The following CRPPA variants were observed in gnomAD, a reference collection of about 807,000 sequenced individuals.
CRPPA encodes D-ribitol-5-phosphate cytidylyltransferase.
Under a neutral mutation model 52.0 loss-of-function variants are expected in CRPPA, and 43 were observed. That is an observed-to-expected ratio of 0.83 (90% CI 0.65 to 1.07). The LOEUF (loss-of-function observed/expected upper bound fraction) is 1.07, where lower values mean the gene tolerates loss of function less well. CRPPA is among the 50% of genes least tolerant of loss of function. The pLI is 0.00. For synonymous variants in CRPPA, 250 were observed against 203.5 expected, an observed-to-expected ratio of 1.23 and a Z score of -1.94; for missense variants, 629 against 551.7, an observed-to-expected ratio of 1.14 and a Z score of -1.40.
chr7:16,245,968 T>C (rs866765299), intron 8 of CRPPA, among the ~76,000 whole-genome samples: 14 of 151,994 alleles, frequency 9.2e-5, no homozygotes, highest in South Asian at 2.1e-4. Flanking sequence ...TGGTGGTTGC[T>C]CAAGGTTGGG....
At chr7:16,325,174 G>A (rs1207082425) in intron 3 of CRPPA, among the ~76,000 whole-genome samples, 1 of 152,180 alleles carries the variant, frequency 6.6e-6, no homozygotes, top group Non-Finnish European at 1.5e-5. Flanking sequence ...TGTTCCATCT[G>A]CAAGAAATTT....
At chr7:16,098,395 C>T (rs1221176906) in intron 9 of CRPPA, among the ~76,000 whole-genome samples, 2 of 152,178 alleles carry the variant, frequency 1.3e-5, no homozygotes, top group Admixed American at 1.3e-4. Context: ...TACATTGTCT[C>T]AGCAAATTCC....
chr7:16,336,559 A>T (rs1583529202), intron 3 of CRPPA, among the ~76,000 whole-genome samples: 1 of 20,052 alleles, frequency 5.0e-5, no homozygotes, highest in Admixed American at 3.6e-4. Context: ...GGAAAAGAGC[A>T]AAAAAAAAAA....
At chr7:16,285,792 G>A (rs1399098335) in intron 5 of CRPPA, among the ~76,000 whole-genome samples, 1 of 151,280 alleles carries the variant, frequency 6.6e-6, no homozygotes. Context: ...GGAAGCTGAG[G>A]TAGGTGGATC....
intron 8 of CRPPA, among the ~76,000 whole-genome samples, chr7:16,219,670 C>T (rs201679720): frequency 0.17 from 15,565 of 93,908 alleles, 1,434 homozygotes; most frequent in Middle Eastern, 0.24. Context: ...AACACCTCTA[C>T]GCAAATAAAC....
chr7:16,388,834 C>T (rs1017846747), intron 2 of CRPPA, among the ~76,000 whole-genome samples: 1 of 152,082 alleles, frequency 6.6e-6, no homozygotes, highest in African/African-American at 2.4e-5. Context: ...TGAGATGGCG[C>T]CACTGCACTC....
At chr7:16,396,853 T>A (rs757167471) in intron 2 of CRPPA, among the ~76,000 whole-genome samples, 1 of 152,202 alleles carries the variant, frequency 6.6e-6, no homozygotes, top group Non-Finnish European at 1.5e-5. Context: ...TGACACGTAA[T>A]GGAAGATGAC....
chr7:16,323,905 G>C (rs1013833391), intron 3 of CRPPA, among the ~76,000 whole-genome samples: 1 of 152,158 alleles, frequency 6.6e-6, no homozygotes, highest in African/African-American at 2.4e-5. Flanking sequence ...AGCTTTGAAA[G>C]CACCTACATA....
At chr7:16,244,801 C>A (rs565108057) in intron 8 of CRPPA, among the ~76,000 whole-genome samples, 1 of 152,082 alleles carries the variant, frequency 6.6e-6, no homozygotes, top group East Asian at 1.9e-4. Context: ...GAAAAAGAAC[C>A]GTTGTAAACC....
At position 16,244,561 on chromosome 7, in the gene CRPPA, T is replaced by G. The variant is rs189371364; in HGVS notation, c.1119+13829A>C. 2.9e-3 allele frequency among the ~76,000 whole-genome samples: 449 copies of G among 152,280 alleles called. 3 individuals are homozygous for G. The highest frequency in any genetic ancestry group is 0.01 in the African/African-American group (429 of 41,566). On this transcript the variant is annotated intron_variant, in intron 8 of 9. Transcript: ENST00000407010. ...TCAGTATTGTATGCTGAAACAAATT[T>G]CTACCACTTAAACCTAACCCAATGT...
At chr7:16,148,271 A>G (rs1214376583) in intron 9 of CRPPA, among the ~76,000 whole-genome samples, 2 of 152,158 alleles carry the variant, frequency 1.3e-5, no homozygotes, top group Non-Finnish European at 2.9e-5. Flanking sequence ...TGTGACATGA[A>G]CTACCAACCA....
intron 9 of CRPPA, among the ~76,000 whole-genome samples, chr7:16,215,249 C>T (rs190551995): frequency 5.9e-5 from 9 of 152,288 alleles, no homozygotes; most frequent in African/African-American, 1.7e-4. Context: ...CTAAAAATAG[C>T]AGTGGACCGT....
intron 3 of CRPPA, among the ~76,000 whole-genome samples, chr7:16,324,882 A>G (rs113526054): frequency 6.6e-6 from 1 of 152,202 alleles, no homozygotes; most frequent in Non-Finnish European, 1.5e-5. Context: ...ACAGTTGACT[A>G]TACTACAGAT....
chr7:16,302,974 T>C (rs1379372810), intron 4 of CRPPA, among the ~76,000 whole-genome samples: 4 of 152,200 alleles, frequency 2.6e-5, no homozygotes, highest in African/African-American at 9.6e-5. Flanking sequence ...ACAACCCATA[T>C]TGCTGTAAAA....
intron 9 of CRPPA, among the ~76,000 whole-genome samples, chr7:16,146,649 G>C (rs1782979965): frequency 1.3e-5 from 2 of 152,086 alleles, no homozygotes; most frequent in South Asian, 4.1e-4. Flanking sequence ...ATGTATAAAA[G>C]TGTAGAATTT....
chr7:16,266,714 G>A (rs775720314), intron 6 of CRPPA, among the ~76,000 whole-genome samples: 3 of 152,088 alleles, frequency 2.0e-5, no homozygotes, highest in Non-Finnish European at 4.4e-5. Flanking sequence ...TCTGACCTTA[G>A]GTGATCCACC....
chr7:16,375,749 A>G (rs779487239), intron 3 of CRPPA, among the ~76,000 whole-genome samples: 1 of 152,184 alleles, frequency 6.6e-6, no homozygotes, highest in Non-Finnish European at 1.5e-5. Flanking sequence ...CCAGATGACC[A>G]ATCGAACACC....
chr7:16,421,368 A>C lies in CRPPA; in HGVS notation c.-46T>G. 8.2e-7 allele frequency: 1 copy of C among 1,220,270 alleles called. No homozygotes were observed. Among genetic ancestry groups the C allele is most frequent in the Non-Finnish European group, 1.0e-6 (1 of 980,316 alleles). 75.6% of individuals were successfully genotyped at this position (1,220,270 alleles called of 1,614,324 possible). On this transcript the variant is annotated 5_prime_UTR_variant, in exon 1 of 10. Transcript: ENST00000407010. ...GCCCCGCTAGCCTCGGGCCGATGCG[A>C]CCCCGCGCTGCTCCCACCCTCGGCC...
At chr7:16,231,586 A>G (rs1583450898) in intron 8 of CRPPA, among the ~76,000 whole-genome samples, 1 of 152,204 alleles carries the variant, frequency 6.6e-6, no homozygotes, top group African/African-American at 2.4e-5. Flanking sequence ...ACTGTGAAAA[A>G]TTAGATCTTG....
Sources: allele counts gnomAD v4.1 joint callset (sites outside exome capture counted in the v4.1 genomes callset), GRCh38; gene constraint gnomAD v4.1.1; transcripts MANE v1.5; gene names NCBI Gene and HGNC (gene_info 2026-07-23, HGNC 2026-07-21).